The following PRKG1 variants were observed in gnomAD, a reference collection of about 807,000 sequenced individuals.
The protein encoded by PRKG1 is cGMP-dependent protein kinase 1.
A neutral mutation model predicts 88.1 loss-of-function variants in PRKG1; 35 were observed. The observed-to-expected ratio is 0.40, with a 90% CI of 0.30 to 0.53. PRKG1 has a LOEUF of 0.53. PRKG1 is among the 20% of genes least tolerant of loss of function. The pLI, the probability that PRKG1 is intolerant of heterozygous loss-of-function variation, is 0.59. For missense variants in PRKG1, 540 were observed against 839.8 expected, an observed-to-expected ratio of 0.64 and a Z score of 4.41; for synonymous variants, 303 against 292.5, an observed-to-expected ratio of 1.04 and a Z score of -0.37.
At chr10:52,065,668 G>T (rs1846339258) in intron 7 of PRKG1, among the ~76,000 whole-genome samples, 1 of 151,926 alleles carries the variant, frequency 6.6e-6, no homozygotes, top group Non-Finnish European at 1.5e-5. Context: ...TGAACATATA[G>T]TTGCCATTAG....
intron 2 of PRKG1, among the ~76,000 whole-genome samples, chr10:51,218,595 A>G (rs1460354210): frequency 6.7e-6 from 1 of 148,834 alleles, no homozygotes; most frequent in Non-Finnish European, 1.5e-5. Flanking sequence ...TGGCATTTAC[A>G]TAAAAACAAG....
chr10:52,245,793 ATTTATTTATTTG>A, intron 9 of PRKG1, among the ~76,000 whole-genome samples: 1 of 139,324 alleles, frequency 7.2e-6, no homozygotes, highest in Non-Finnish European at 1.5e-5. Flanking sequence ...TTATTTATTT[ATTTATTTATTTG>A]TTGGAGGCAC....
chr10:51,642,303 T>A (rs968934105), intron 3 of PRKG1, among the ~76,000 whole-genome samples: 5 of 152,118 alleles, frequency 3.3e-5, no homozygotes, highest in African/African-American at 9.7e-5. Context: ...GGCAGGAGAA[T>A]CACTTGAAGC....
At chr10:52,106,508 G>A (rs1847426367) in intron 7 of PRKG1, among the ~76,000 whole-genome samples, 1 of 152,036 alleles carries the variant, frequency 6.6e-6, no homozygotes, top group Admixed American at 6.6e-5. Flanking sequence ...AGCATGTTAA[G>A]CAAGTTACTA....
intron 10 of PRKG1, among the ~76,000 whole-genome samples, chr10:52,265,852 CA>C (rs1439321345): frequency 6.6e-6 from 1 of 151,992 alleles, no homozygotes; most frequent in Non-Finnish European, 1.5e-5. Flanking sequence ...ATTCAAATGT[CA>C]ATATAATACT....
intron 2 of PRKG1, among the ~76,000 whole-genome samples, chr10:51,243,287 A>C (rs1839201994): frequency 6.6e-6 from 1 of 152,160 alleles, no homozygotes; most frequent in South Asian, 2.1e-4. Flanking sequence ...GACATGTTTT[A>C]AAGGAACTGA....
At chr10:51,748,981 T>C (rs61044572) in intron 3 of PRKG1, among the ~76,000 whole-genome samples, 2,258 of 152,296 alleles carry the variant, frequency 0.015, 88 homozygotes, top group East Asian at 0.12. Context: ...TAAAATACTC[T>C]TCTACATTTT....
chr10:52,110,231 C>T (rs982316431), intron 7 of PRKG1, among the ~76,000 whole-genome samples: 5 of 151,340 alleles, frequency 3.3e-5, no homozygotes, highest in African/African-American at 1.2e-4. Context: ...GCCTGTAGTC[C>T]CAGCTACTCG....
At chr10:51,733,037 G>A (rs1040667925) in intron 3 of PRKG1, among the ~76,000 whole-genome samples, 2 of 151,750 alleles carry the variant, frequency 1.3e-5, no homozygotes, top group African/African-American at 2.4e-5. Context: ...GAGAGAGAGA[G>A]AGACAAAAAA....
chr10:51,057,990 A>G (rs967493329), intron 1 of PRKG1, among the ~76,000 whole-genome samples: 4 of 152,156 alleles, frequency 2.6e-5, no homozygotes, highest in African/African-American at 4.8e-5. Context: ...ATAGTGGATG[A>G]AAGTTCCTAT....
At chr10:51,260,065 C>T (rs1839665317) in intron 2 of PRKG1, among the ~76,000 whole-genome samples, 2 of 152,158 alleles carry the variant, frequency 1.3e-5, no homozygotes, top group South Asian at 4.1e-4. Flanking sequence ...TGTGCAACCA[C>T]CAGTTCTTAC....
intron 9 of PRKG1, among the ~76,000 whole-genome samples, chr10:52,173,693 C>T (rs1044148615): frequency 1.3e-5 from 2 of 152,146 alleles, no homozygotes; most frequent in Non-Finnish European, 2.9e-5. Flanking sequence ...TTACTTCAGG[C>T]AGCCAGCCTA....
intron 1 of PRKG1, among the ~76,000 whole-genome samples, chr10:51,137,033 C>T (rs1845703497): frequency 1.3e-5 from 2 of 151,994 alleles, no homozygotes; most frequent in Admixed American, 1.3e-4. Flanking sequence ...TACAGGCGCC[C>T]GCCACCATGC....
intron 5 of PRKG1, among the ~76,000 whole-genome samples, chr10:51,982,419 T>A (rs577591345): frequency 1.3e-5 from 2 of 152,238 alleles, no homozygotes; most frequent in Non-Finnish European, 2.9e-5. Context: ...GTTCTTGAGC[T>A]GGTTCTTTCT....
intron 3 of PRKG1, among the ~76,000 whole-genome samples, chr10:51,593,475 G>A (rs1159869390): frequency 6.6e-6 from 1 of 152,120 alleles, no homozygotes; most frequent in African/African-American, 2.4e-5. Flanking sequence ...AATTAGTGTT[G>A]AGTGCATGCC....
intron 2 of PRKG1, among the ~76,000 whole-genome samples, chr10:51,246,544 A>G: frequency 6.6e-6 from 1 of 151,808 alleles, no homozygotes. Flanking sequence ...GGTAAGCCCA[A>G]AATGTTTACT....
chr10:51,128,359 A>G (rs1168235838), intron 1 of PRKG1, among the ~76,000 whole-genome samples: 1 of 152,184 alleles, frequency 6.6e-6, no homozygotes, highest in Non-Finnish European at 1.5e-5. Flanking sequence ...AGCTATTCTA[A>G]TGTTTTAAGA....
intron 1 of PRKG1, among the ~76,000 whole-genome samples, chr10:51,105,329 T>C (rs1456178717): frequency 6.6e-6 from 1 of 152,222 alleles, no homozygotes; most frequent in East Asian, 1.9e-4. Context: ...TGCAAAATGG[T>C]ATAATTTATT....
At chr10:51,820,661 T>C (rs1839720593) in intron 4 of PRKG1, among the ~76,000 whole-genome samples, 1 of 152,156 alleles carries the variant, frequency 6.6e-6, no homozygotes, top group African/African-American at 2.4e-5. Context: ...AATGGCAATG[T>C]CTGGGAATGA....
Sources: gnomAD v4.1 joint callset for allele counts (sites outside exome capture counted in the v4.1 genomes callset) on GRCh38, gnomAD v4.1.1 for gene constraint, MANE v1.5 for transcripts, NCBI Gene and HGNC (gene_info 2026-07-23, HGNC 2026-07-21) for gene names.